CLIC2: variants seen among roughly 807,000 people sequenced by gnomAD.
CLIC2 encodes CLIC family member 2.
CLIC2 carries 9 observed loss-of-function variants against 14.8 expected under a neutral mutation model. The ratio of observed to expected loss-of-function variants is 0.61; its 90% CI spans 0.37 to 1.06. The LOEUF is 1.06. Among genes scored for constraint, CLIC2 ranks in the 50% least tolerant of loss-of-function variants. The pLI is 0.01. For missense variants in CLIC2, 148 were observed against 181.4 expected (o/e 0.82, Z 1.06); for synonymous variants, 61 against 66.3 (o/e 0.92, Z 0.39).
intron 3 of CLIC2, among the ~76,000 whole-genome samples, chrX:155,281,372 T>A (rs915525038): frequency 9.0e-6 from 1 of 110,561 alleles, no homozygotes; most frequent in African/African-American, 3.3e-5. Context: ...ATAAAAAAGA[T>A]AACTATATGA....
Position 155,298,839 on chromosome X carries a change from T to C in CLIC2, c.239A>G (p.Lys80Arg), listed in dbSNP as rs781800421. 1 of 1,208,782 alleles carries C rather than the reference T, an allele frequency of 8.3e-7. No homozygotes were observed. Among genetic ancestry groups the C allele is most frequent in the Non-Finnish European group, 1.1e-6 (1 of 892,782 alleles). The change falls in exon 3 of 6, where the codon AAA becomes AGA. Residue 80 changes from lysine (K) to arginine (R), a missense_variant. Coordinates refer to ENST00000369449, the MANE Select transcript of CLIC2 (RefSeq NM_001289.6). Reference sequence around the variant, plus strand: ...CTCCTCAATTTTAATGAAGTCTGTTTTCAACTCCTTGTTATACACCAGGAA... The same window carrying C: ...CTCCTCAATTTTAATGAAGTCTGTTCTCAACTCCTTGTTATACACCAGGAA... Reference protein sequence around the residue: ...PPFLVYNKELKTDFIKIEEFL... With the variant: ...PPFLVYNKELRTDFIKIEEFL...
chrX:155,293,784 C>T (rs782444593), intron 3 of CLIC2, among the ~76,000 whole-genome samples: 1 of 111,058 alleles, frequency 9.0e-6, no homozygotes, highest in Non-Finnish European at 1.9e-5. Flanking sequence ...ACAAAACAGA[C>T]ATTAAATCAA....
chrX:155,292,146 C>T, intron 3 of CLIC2: 1 of 565,697 alleles, frequency 1.8e-6, no homozygotes. Flanking sequence ...AAATGGCCAC[C>T]TGATGAAACA....
intron 1 of CLIC2, 50 bp downstream of exon 1, chrX:155,334,321 G>A: frequency 9.0e-6 from 9 of 1,001,079 alleles, no homozygotes; most frequent in South Asian, 1.9e-5. Context: ...GGACTTCAGT[G>A]TCAAAAACTA....
At chrX:155,288,434 T>C (rs1452602254) in intron 3 of CLIC2, among the ~76,000 whole-genome samples, 3 of 111,975 alleles carry the variant, frequency 2.7e-5, no homozygotes, top group Non-Finnish European at 5.6e-5. Flanking sequence ...TACTTTAATG[T>C]AGTGTAGTGG....
At chrX:155,322,717 A>G (rs2075120759) in intron 1 of CLIC2, among the ~76,000 whole-genome samples, 1 of 111,904 alleles carries the variant, frequency 8.9e-6, no homozygotes, top group Admixed American at 9.5e-5. Flanking sequence ...GCACAAGTGA[A>G]GGAGATAGAG....
intron 3 of CLIC2, chrX:155,290,953 A>G: frequency 1.4e-6 from 1 of 715,307 alleles, no homozygotes; most frequent in Non-Finnish European, 2.3e-6. Flanking sequence ...GCAGGGGAAG[A>G]TTGTGAGAGC....
chrX:155,321,629 A>G lies in CLIC2; in HGVS notation c.57+12742T>C, dbSNP rs782796402. Among the ~76,000 whole-genome samples, 17 of 98,836 alleles carry G rather than the reference A, an allele frequency of 1.7e-4. No homozygotes were observed. In the East Asian group the frequency reaches 4.6e-3, roughly 27 times the overall value. The allele number at this position is 98,836 out of a possible 115,157, so 85.8% of individuals were successfully genotyped here. ...AAAAACATACCAAATTGTAAAGACC[A>G]TCGACACTGTGAAGAAACTGCAACA... On this transcript the variant is annotated intron_variant, in intron 1 of 5. Transcript: ENST00000369449.
chrX:155,304,385 C>G (rs1237140145), intron 1 of CLIC2, among the ~76,000 whole-genome samples: 2 of 96,027 alleles, frequency 2.1e-5, no homozygotes, highest in Non-Finnish European at 4.2e-5. Context: ...GCTCCTGAGG[C>G]TTCTGCATTC....
intron 1 of CLIC2, chrX:155,309,533 C>T (rs1602951722): frequency 7.1e-6 from 2 of 281,720 alleles, no homozygotes; most frequent in Non-Finnish European, 1.3e-5. Flanking sequence ...GAGCAATTTA[C>T]AAAAAAAATA....
chrX:155,283,415 G>C (rs1202025934), intron 3 of CLIC2, among the ~76,000 whole-genome samples: 1 of 111,528 alleles, frequency 9.0e-6, no homozygotes, highest in Non-Finnish European at 1.9e-5. Context: ...TTTCTTCTAT[G>C]CAATGTATTT....
At chrX:155,285,916 C>T (rs906472583) in intron 3 of CLIC2, among the ~76,000 whole-genome samples, 1 of 108,614 alleles carries the variant, frequency 9.2e-6, no homozygotes, top group Non-Finnish European at 1.9e-5. Flanking sequence ...TCCCCCATAC[C>T]GAGACAGAGG....
At chrX:155,297,079 A>C (rs922602912) in intron 3 of CLIC2, among the ~76,000 whole-genome samples, 3 of 112,379 alleles carry the variant, frequency 2.7e-5, no homozygotes, top group Non-Finnish European at 3.8e-5. Flanking sequence ...TCAACAGATA[A>C]ATGGATAAAG....
chrX:155,304,869 G>T (rs1453440443), intron 1 of CLIC2, among the ~76,000 whole-genome samples: 131 of 94,059 alleles, frequency 1.4e-3, no homozygotes, highest in Non-Finnish European at 2.6e-3. Flanking sequence ...CCTGCTGGGG[G>T]GTGCCTCCCA....
intron 3 of CLIC2, among the ~76,000 whole-genome samples, chrX:155,297,658 C>T (rs1417073862): frequency 1.1e-5 from 1 of 95,199 alleles, no homozygotes; most frequent in Non-Finnish European, 2.1e-5. Flanking sequence ...CTGGCTAACA[C>T]GGTGAAACCT....
chrX:155,297,418 A>C lies in CLIC2; in HGVS notation c.293+1367T>G, dbSNP rs922600218. ...TTTGATAGAAGAGCAGGGTGACTAT[A>C]GTTACAAAAATGTATTGTATTTGGG... On this transcript the variant is annotated intron_variant, in intron 3 of 5. Transcript: ENST00000369449. 2.7e-5 allele frequency among the ~76,000 whole-genome samples: 3 copies of C among 110,873 alleles called. No homozygotes were observed. The East Asian group carries it at 8.5e-4, about 31-fold the overall frequency.
At chrX:155,325,658 G>A (rs1171937569) in intron 1 of CLIC2, among the ~76,000 whole-genome samples, 3 of 104,564 alleles carry the variant, frequency 2.9e-5, no homozygotes, top group African/African-American at 1.0e-4. Flanking sequence ...ATGACGGGTT[G>A]ATGGGTGCAG....
chrX:155,316,563 C>T (rs1009023758), intron 1 of CLIC2, among the ~76,000 whole-genome samples: 6 of 110,875 alleles, frequency 5.4e-5, no homozygotes, highest in African/African-American at 9.8e-5. Flanking sequence ...TTGAACTGAA[C>T]GATAACAGTG....
rs782448069 is a variant in CLIC2, at chrX:155,276,956, T to C, written c.*947A>G. 1.8e-5 allele frequency: 2 copies of C among 112,443 alleles called. No homozygotes were observed. Among genetic ancestry groups the C allele is most frequent in the African/African-American group, 6.4e-5 (2 of 31,030 alleles). 9.3% of individuals were successfully genotyped at this position (112,443 alleles called of 1,213,427 possible). A position where few individuals can be genotyped will look rare whatever the true frequency, so the allele number is the denominator to read the frequency against. Reference sequence around the variant, plus strand: ...TCCACCAAAGCCTAAAATATTTTCCTTTTTTGAAGCTGCACTTATGCTTGT... The same window carrying C: ...TCCACCAAAGCCTAAAATATTTTCCCTTTTTGAAGCTGCACTTATGCTTGT... On this transcript the variant is annotated 3_prime_UTR_variant, in exon 6 of 6. Transcript: ENST00000369449.
Sources: gnomAD v4.1 joint callset for allele counts (sites outside exome capture counted in the v4.1 genomes callset) on GRCh38, gnomAD v4.1.1 for gene constraint, MANE v1.5 for transcripts, NCBI Gene and HGNC (gene_info 2026-07-23, HGNC 2026-07-21) for gene names.